The following TRPA1 variants were observed in gnomAD, a reference collection of about 807,000 sequenced individuals.
TRPA1 encodes the protein transient receptor potential cation channel subfamily A member 1.
In TRPA1, 129 loss-of-function variants were observed where a neutral mutation model predicts 131.3. That is an observed-to-expected ratio of 0.98 (90% CI 0.85 to 1.14). TRPA1 has a LOEUF of 1.14. Among genes scored for constraint, TRPA1 ranks in the 50% most tolerant of loss-of-function variants. The pLI is 0.00. For missense variants in TRPA1, 1,304 were observed against 1,354.2 expected (o/e 0.96, Z 0.58); for synonymous variants, 441 against 451.7 (o/e 0.98, Z 0.30).
At chr8:72,043,173 G>A (rs1279813840) in intron 17 of TRPA1, among the ~76,000 whole-genome samples, 19 of 151,738 alleles carry the variant, frequency 1.3e-4, no homozygotes, top group Admixed American at 1.2e-3. Context: ...TTCTAGGCAG[G>A]CCTCCATTTC....
At chr8:72,033,154 A>C (rs372481261) in intron 23 of TRPA1, among the ~76,000 whole-genome samples, 1 of 152,208 alleles carries the variant, frequency 6.6e-6, no homozygotes, top group African/African-American at 2.4e-5. Flanking sequence ...TCTCTGGTCA[A>C]TGGTAAGTTC....
chr8:72,037,493 A>G (rs981229684), intron 20 of TRPA1, among the ~76,000 whole-genome samples: 3 of 152,114 alleles, frequency 2.0e-5, no homozygotes, highest in African/African-American at 7.2e-5. Context: ...ATAAAGTAAA[A>G]ATTTTGCTGT....
At chr8:72,077,932 T>C (rs899741446), upstream of TRPA1, among the ~76,000 whole-genome samples, 5 of 152,170 alleles carry the variant, frequency 3.3e-5, no homozygotes, top group East Asian at 7.7e-4. Flanking sequence ...TCCTAGAAAT[T>C]TTCTGAAGGT....
rs903823410 is a variant in TRPA1 at position 72,052,963 on chromosome 8, A to G, written c.1645-198T>C. ...GTGTGTGTGCATGTGTGGGAAGTGG[A>G]TCTGTGTGTGTGTGTGTGTGTGTGT... is the stretch of plus-strand genomic sequence containing the variant. On this transcript the variant is annotated intron_variant, in intron 13 of 26. Coordinates refer to ENST00000262209, the MANE Select transcript of TRPA1 (RefSeq NM_007332.3). 7 of 325,058 alleles carry G rather than the reference A, an allele frequency of 2.2e-5. No homozygotes were observed. In the African/African-American group the frequency reaches 2.6e-4, roughly 12 times the overall value. The allele number at this position is 325,058 out of a possible 1,614,324, so 20.1% of individuals were successfully genotyped here.
rs191885976 is a variant in TRPA1, at chr8:72,055,790, T to C, written c.1260A>G (p.Ala420=). 1.9e-6 allele frequency: 3 copies of C among 1,613,248 alleles called. No individual in the cohort carries two copies. The highest frequency in any genetic ancestry group is 2.7e-5 in the African/African-American group (2 of 75,022). ...DNDGCTPLHY[A]CRQGGPGSVN... Reference sequence around the variant, plus strand: ...CAGAACCAGGGCCCCCCTGTCTACATGCATAATGTAGAGGAGTACACCCAT... The same window carrying C: ...CAGAACCAGGGCCCCCCTGTCTACACGCATAATGTAGAGGAGTACACCCAT... The change falls in exon 11 of 27, where the codon GCA becomes GCG. Residue 420 remains alanine (A), a synonymous_variant. Coordinates refer to ENST00000262209, the MANE Select transcript of TRPA1 (RefSeq NM_007332.3).
chr8:72,046,162 G>C (rs903301795), intron 17 of TRPA1, among the ~76,000 whole-genome samples: 2 of 151,988 alleles, frequency 1.3e-5, no homozygotes, highest in African/African-American at 4.8e-5. Flanking sequence ...GATTGGAGCA[G>C]TTCTTATGTG....
chr8:72,066,023 T>C (rs1805924308), intron 3 of TRPA1, among the ~76,000 whole-genome samples: 2 of 152,120 alleles, frequency 1.3e-5, no homozygotes, highest in South Asian at 4.1e-4. Context: ...GGATTTTTTT[T>C]CTCCTCCAGT....
chr8:72,052,855 A>G (rs1805547300), intron 13 of TRPA1, 90 bp from the exon 14 acceptor site: 1 of 1,424,418 alleles, frequency 7.0e-7, no homozygotes, highest in East Asian at 2.3e-5. Flanking sequence ...CATTAGCGAC[A>G]CTATTTAATA....
chr8:72,051,417 G>A (rs1341113719), intron 14 of TRPA1, among the ~76,000 whole-genome samples: 3 of 152,060 alleles, frequency 2.0e-5, no homozygotes, highest in Non-Finnish European at 2.9e-5. Flanking sequence ...AGGGTAAGAC[G>A]GTGCTTACCA....
intron 15 of TRPA1, among the ~76,000 whole-genome samples, chr8:72,047,856 G>A (rs574799659): frequency 2.0e-5 from 3 of 152,182 alleles, no homozygotes; most frequent in African/African-American, 7.2e-5. Context: ...ATAAAGGATA[G>A]TCAATCTGAT....
chr8:72,027,119 T>C (rs1369046066), intron 24 of TRPA1, among the ~76,000 whole-genome samples: 2 of 152,202 alleles, frequency 1.3e-5, no homozygotes, highest in East Asian at 1.9e-4. Flanking sequence ...CTTTGCTCTT[T>C]AGGGTGATAT....
At position 72,025,969 on chromosome 8, in the gene TRPA1, C is replaced by G. The variant is rs1198519231; in HGVS notation, c.3042G>C (p.Gly1014=). The change falls in exon 25 of 27, where the codon GGG becomes GGC. Residue 1014 remains glycine, a synonymous_variant. Transcript: ENST00000262209. The stretch of plus-strand genomic sequence containing the variant: ...TGTTATGTGTACTTACGAATAACAT[C>G]CCACCAGATCTGGGTTTGTTGGGAT... The part of the protein sequence containing the change: ...IVYPNKPRSG[G]MLFHIFCFLF... 4 of 1,613,340 alleles carry G rather than the reference C, an allele frequency of 2.5e-6. No homozygotes were observed. The Admixed American group carries it at 6.7e-5, about 27-fold the overall frequency.
intron 20 of TRPA1, among the ~76,000 whole-genome samples, 189 bp from the exon 21 acceptor site, chr8:72,036,646 G>C (rs1457866152): frequency 6.6e-6 from 1 of 152,200 alleles, no homozygotes; most frequent in African/African-American, 2.4e-5. Context: ...CGGTGTTGGA[G>C]ATGGCCCAGA....
the TRPA1 span, among the ~76,000 whole-genome samples, chr8:72,084,189 G>C: frequency 6.6e-6 from 1 of 152,048 alleles, no homozygotes; most frequent in Non-Finnish European, 1.5e-5. Flanking sequence ...ATGTATTTTA[G>C]GGCTCAGCAT....
intron 13 of TRPA1, 170 bp from the exon 14 acceptor site, chr8:72,052,935 A>G (rs1805549581): frequency 1.9e-6 from 1 of 522,186 alleles, no homozygotes; most frequent in Admixed American, 2.6e-5. Flanking sequence ...TAGTTCTAGC[A>G]TGGTGTGTGT....
chr8:72,067,518 C>T (rs78794233), intron 3 of TRPA1, among the ~76,000 whole-genome samples: 102 of 152,198 alleles, frequency 6.7e-4, no homozygotes, highest in East Asian at 7.7e-4. Flanking sequence ...TGATACCTAC[C>T]TTTCTGTATT....
chr8:72,040,291 G>A (rs1812208723), intron 17 of TRPA1, among the ~76,000 whole-genome samples: 1 of 152,042 alleles, frequency 6.6e-6, no homozygotes, highest in Non-Finnish European at 1.5e-5. Flanking sequence ...CATAAATAGA[G>A]GGACTGATGC....
intron 13 of TRPA1, 94 bp from the exon 14 acceptor site, chr8:72,052,859 T>G (rs1379837462): frequency 7.0e-7 from 1 of 1,422,286 alleles, no homozygotes; most frequent in Non-Finnish European, 9.8e-7. Flanking sequence ...AGCGACACTA[T>G]TTAATACCAA....
intron 17 of TRPA1, chr8:72,041,343 C>T (rs932219057): frequency 1.3e-5 from 2 of 151,944 alleles, no homozygotes; most frequent in African/African-American, 4.8e-5. Flanking sequence ...AGACGTGAAC[C>T]ACAGCATAGA....
Sources: gnomAD v4.1 joint callset for allele counts (sites outside exome capture counted in the v4.1 genomes callset) on GRCh38, gnomAD v4.1.1 for gene constraint, MANE v1.5 for transcripts, NCBI Gene and HGNC (gene_info 2026-07-23, HGNC 2026-07-21) for gene names.